The following GRM7 variants were observed in gnomAD, a reference collection of about 807,000 sequenced individuals.
GRM7 encodes the protein metabotropic glutamate receptor 7.
A neutral mutation model predicts 84.5 loss-of-function variants in GRM7; 35 were observed. The ratio of observed to expected loss-of-function variants is 0.41; its 90% confidence interval spans 0.32 to 0.55. The LOEUF (loss-of-function observed/expected upper bound fraction) is 0.55. Ranked by LOEUF, GRM7 falls within the 20% of genes least tolerant of loss-of-function variation. The pLI, the probability that GRM7 is intolerant of heterozygous loss-of-function variation, is 0.19. For missense variants in GRM7, 1,003 were observed against 1,194.6 expected, an observed-to-expected ratio of 0.84 and a Z score of 2.36; for synonymous variants, 487 against 455.1, an observed-to-expected ratio of 1.07 and a Z score of -0.89.
chr3:7,166,675 C>T (rs763366792), intron 2 of GRM7, among the ~76,000 whole-genome samples: 12 of 152,318 alleles, frequency 7.9e-5, no homozygotes, highest in Non-Finnish European at 1.5e-4. Flanking sequence ...CCTGCATTGT[C>T]TAAGCCAATT....
At chr3:7,154,263 A>G (rs1377870622) in intron 2 of GRM7, among the ~76,000 whole-genome samples, 1 of 152,158 alleles carries the variant, frequency 6.6e-6, no homozygotes, top group East Asian at 1.9e-4. Context: ...AAGTCATCAC[A>G]TATTAATGGA....
intron 1 of GRM7, among the ~76,000 whole-genome samples, chr3:6,958,245 T>C (rs1198349047): frequency 2.0e-5 from 3 of 152,168 alleles, no homozygotes; most frequent in East Asian, 3.8e-4. Flanking sequence ...CAGGCTTTTT[T>C]TTTTTTGGAA....
chr3:7,382,470 C>T (rs902812196), intron 4 of GRM7, among the ~76,000 whole-genome samples: 19 of 152,234 alleles, frequency 1.2e-4, no homozygotes, highest in African/African-American at 4.6e-4. Context: ...CTCCTCAAAC[C>T]ATCAGAGTTT....
chr3:7,291,467 G>A (rs73130233), intron 2 of GRM7, among the ~76,000 whole-genome samples: 5,017 of 138,918 alleles, frequency 0.036, 310 homozygotes, highest in African/African-American at 0.13. Context: ...GTACAGACAG[G>A]GTTAGAGGAA....
At chr3:7,268,548 G>T (rs967577173) in intron 2 of GRM7, among the ~76,000 whole-genome samples, 2 of 152,158 alleles carry the variant, frequency 1.3e-5, no homozygotes, top group African/African-American at 2.4e-5. Flanking sequence ...TTAGTTTTAA[G>T]ATCTAACTGA....
chr3:7,537,446 G>T (rs529053766), intron 7 of GRM7, among the ~76,000 whole-genome samples: 22 of 152,158 alleles, frequency 1.4e-4, no homozygotes, highest in African/African-American at 5.3e-4. Flanking sequence ...GATAGACAGG[G>T]GTGTCTACCA....
chr3:7,467,973 C>T (rs1698531144), intron 7 of GRM7, among the ~76,000 whole-genome samples: 1 of 152,140 alleles, frequency 6.6e-6, no homozygotes, highest in Non-Finnish European at 1.5e-5. Context: ...GAATCTTTCA[C>T]ACTTATTAGA....
intron 7 of GRM7, among the ~76,000 whole-genome samples, chr3:7,534,900 G>A (rs1701183520): frequency 6.6e-6 from 1 of 152,096 alleles, no homozygotes; most frequent in Non-Finnish European, 1.5e-5. Context: ...AACATCATAG[G>A]GTGTTCTGGG....
intron 7 of GRM7, among the ~76,000 whole-genome samples, chr3:7,472,407 C>T (rs188478278): frequency 1.9e-4 from 29 of 152,290 alleles, no homozygotes; most frequent in African/African-American, 6.5e-4. Flanking sequence ...TTGAGCTAGT[C>T]TGTTTGATAA....
chr3:6,930,531 A>T (rs1479193921), intron 1 of GRM7, among the ~76,000 whole-genome samples: 1 of 152,148 alleles, frequency 6.6e-6, no homozygotes, highest in African/African-American at 2.4e-5. Flanking sequence ...TGATTTTTTT[A>T]ATCTTAATAA....
At chr3:7,266,361 C>T (rs1698639373) in intron 2 of GRM7, among the ~76,000 whole-genome samples, 1 of 152,182 alleles carries the variant, frequency 6.6e-6, no homozygotes, top group Non-Finnish European at 1.5e-5. Flanking sequence ...CATGAAATTA[C>T]AAGAGCTGGT....
At chr3:7,073,826 G>GCTATT (rs1262133203) in intron 1 of GRM7, among the ~76,000 whole-genome samples, 28 of 150,364 alleles carry the variant, frequency 1.9e-4, no homozygotes, top group African/African-American at 6.7e-4. Flanking sequence ...AAGGTTTATG[G>GCTATT]TCTTAGAGTA....
At chr3:6,995,070 A>C (rs1694784460) in intron 1 of GRM7, among the ~76,000 whole-genome samples, 1 of 152,172 alleles carries the variant, frequency 6.6e-6, no homozygotes, top group South Asian at 2.1e-4. Flanking sequence ...GCTCTTATTC[A>C]TTGGTAAATG....
chr3:6,882,648 C>G (rs924456584), intron 1 of GRM7, among the ~76,000 whole-genome samples: 1 of 152,138 alleles, frequency 6.6e-6, no homozygotes, highest in African/African-American at 2.4e-5. Flanking sequence ...TGTGGGGGTA[C>G]ACACAGGCAC....
chr3:7,699,654 G>GT (rs913579924), intron 9 of GRM7, among the ~76,000 whole-genome samples: 24 of 151,712 alleles, frequency 1.6e-4, no homozygotes, highest in South Asian at 1.0e-3. Context: ...CTCCTACTGG[G>GT]TTTTTTTTAT....
chr3:7,593,326 G>A (rs139718113), intron 8 of GRM7, among the ~76,000 whole-genome samples: 1 of 152,274 alleles, frequency 6.6e-6, no homozygotes, highest in African/African-American at 2.4e-5. Flanking sequence ...AACATTTATT[G>A]ATTCATCCCA....
chr3:7,433,498 A>T (rs1696917528), intron 5 of GRM7, among the ~76,000 whole-genome samples: 2 of 152,194 alleles, frequency 1.3e-5, no homozygotes, highest in Admixed American at 1.3e-4. Flanking sequence ...TTGTTAGGCC[A>T]GGTAGAAGGG....
At chr3:6,887,379 C>A (rs559726975) in intron 1 of GRM7, among the ~76,000 whole-genome samples, 3 of 151,972 alleles carry the variant, frequency 2.0e-5, no homozygotes, top group South Asian at 2.1e-4. Flanking sequence ...ATCCCTCCCC[C>A]CTTCCCCCAC....
intron 1 of GRM7, among the ~76,000 whole-genome samples, chr3:7,098,879 TTC>T (rs1698950266): frequency 6.6e-6 from 1 of 151,940 alleles, no homozygotes; most frequent in South Asian, 2.1e-4. Flanking sequence ...AGATAAATAA[TTC>T]TTTCTTTCTC....
Sources: gnomAD v4.1 joint callset for allele counts (sites outside exome capture counted in the v4.1 genomes callset) on GRCh38, gnomAD v4.1.1 for gene constraint, MANE v1.5 for transcripts, NCBI Gene and HGNC (gene_info 2026-07-23, HGNC 2026-07-21) for gene names.